SHPRH: variants seen among roughly 807,000 people sequenced by gnomAD.
SHPRH encodes SNF2 histone linker PHD RING helicase.
SHPRH carries 106 observed loss-of-function variants against 202.5 expected under a neutral mutation model. The ratio of observed to expected loss-of-function variants is 0.52; its 90% CI spans 0.45 to 0.62. The LOEUF (loss-of-function observed/expected upper bound fraction) is 0.62. Ranked by LOEUF, SHPRH falls within the 20% of genes least tolerant of loss-of-function variation. The probability of loss-of-function intolerance (pLI) is 0.00; values close to 1 mark genes in which losing one functional copy is unlikely to be tolerated. For synonymous variants in SHPRH, 729 were observed against 686.0 expected (o/e 1.06, Z -0.98); for missense variants, 1,710 against 2,020.0 (o/e 0.85, Z 2.94).
At chr6:145,921,599 T>C (rs1316643905) in intron 20 of SHPRH, among the ~76,000 whole-genome samples, 1 of 151,944 alleles carries the variant, frequency 6.6e-6, no homozygotes, top group Non-Finnish European at 1.5e-5. Flanking sequence ...TACTGATTCA[T>C]TTGCCATAAC....
intron 25 of SHPRH, among the ~76,000 whole-genome samples, chr6:145,896,797 C>G (rs1782049092): frequency 6.6e-6 from 1 of 151,952 alleles, no homozygotes; most frequent in African/African-American, 2.4e-5. Context: ...CTTGAACATT[C>G]ATTGGGTCAA....
At position 145,879,123 on chromosome 6, in the gene SHPRH, T is replaced by G. The variant is rs546814359; in HGVS notation, c.221+8897A>C. On this transcript the variant is annotated intron_variant, in intron 2 of 2. Coordinates refer to the SHPRH transcript ENST00000417762. ...GGGTCCCTTTGGTGGACAGTATTTGTGCAAATGTTTTAGTAACTACATGAC... is the reference window on the plus strand; with the variant it reads ...GGGTCCCTTTGGTGGACAGTATTTGGGCAAATGTTTTAGTAACTACATGAC... Among the ~76,000 whole-genome samples, 362 of 152,316 alleles carry G rather than the reference T, an allele frequency of 2.4e-3. 1 individual carries two copies. Among genetic ancestry groups the G allele is most frequent in the Non-Finnish European group, 3.7e-3 (249 of 68,020 alleles).
intron 2 of SHPRH, among the ~76,000 whole-genome samples, chr6:145,953,401 G>T (rs938311776): frequency 6.6e-6 from 1 of 152,008 alleles, no homozygotes. Flanking sequence ...TGGTCTGTAG[G>T]GAACGTAGAT....
intron 28 of SHPRH, among the ~76,000 whole-genome samples, chr6:145,890,509 C>CT (rs1781482572): frequency 6.6e-6 from 1 of 152,088 alleles, no homozygotes; most frequent in South Asian, 2.1e-4. Flanking sequence ...TAGGACACTC[C>CT]TGTCTTCTGG....
chr6:145,917,352 A>G (rs1784044715), intron 23 of SHPRH: 1 of 152,148 alleles, frequency 6.6e-6, no homozygotes, highest in Non-Finnish European at 1.5e-5. Context: ...ATATCTAGAA[A>G]ACAGTTGAGT....
At chr6:145,862,402 C>T (rs570166140), downstream of SHPRH, among the ~76,000 whole-genome samples, 44 of 150,722 alleles carry the variant, frequency 2.9e-4, 1 homozygote, top group South Asian at 8.8e-3. Flanking sequence ...TGCAGTGAGC[C>T]GAGACTCCGT....
At chr6:145,956,794 T>C (rs1788554603) in intron 1 of SHPRH, among the ~76,000 whole-genome samples, 1 of 152,110 alleles carries the variant, frequency 6.6e-6, no homozygotes, top group Non-Finnish European at 1.5e-5. Context: ...GTTCATGGAC[T>C]AGAAGACTCA....
At chr6:145,923,820 T>A (rs1562325868) in intron 17 of SHPRH, 35 bp from the exon 18 acceptor site, 1 of 1,561,524 alleles carries the variant, frequency 6.4e-7, no homozygotes, top group Non-Finnish European at 8.7e-7. Flanking sequence ...AATTAATACA[T>A]TTTTTTTAGT....
chr6:145,931,438 C>T (rs1474278067), intron 14 of SHPRH, among the ~76,000 whole-genome samples: 1 of 151,976 alleles, frequency 6.6e-6, no homozygotes, highest in South Asian at 2.1e-4. Context: ...CTGCAACCTC[C>T]GCCTCCGGGG....
At chr6:145,950,691 G>A (rs973071129) in intron 3 of SHPRH, among the ~76,000 whole-genome samples, 2 of 151,892 alleles carry the variant, frequency 1.3e-5, no homozygotes, top group Non-Finnish European at 2.9e-5. Flanking sequence ...CTTTTTCCAT[G>A]GCATTTTCTT....
At chr6:145,929,181 T>C (rs1785181921) in intron 14 of SHPRH, among the ~76,000 whole-genome samples, 1 of 151,880 alleles carries the variant, frequency 6.6e-6, no homozygotes, top group South Asian at 2.1e-4. Context: ...AAAAAACCCA[T>C]ATTCAATGTT....
At chr6:145,899,095 T>G (rs187791976) in intron 25 of SHPRH, among the ~76,000 whole-genome samples, 15 of 152,318 alleles carry the variant, frequency 9.8e-5, no homozygotes, top group African/African-American at 3.6e-4. Context: ...ATTATAGGCA[T>G]GAGTCACTGC....
intron 23 of SHPRH, among the ~76,000 whole-genome samples, chr6:145,914,050 A>G (rs1783729040): frequency 2.6e-5 from 4 of 152,154 alleles, no homozygotes. Context: ...AATTCATTTT[A>G]CTATGTTGTC....
At chr6:145,916,622 G>C (rs1240527142) in intron 23 of SHPRH, among the ~76,000 whole-genome samples, 2 of 151,788 alleles carry the variant, frequency 1.3e-5, no homozygotes, top group South Asian at 2.1e-4. Context: ...GATTTTCTTA[G>C]GTAGAATATT....
chr6:145,940,260 A>G (rs1022150095), intron 11 of SHPRH, among the ~76,000 whole-genome samples: 6 of 152,120 alleles, frequency 3.9e-5, no homozygotes, highest in African/African-American at 1.4e-4. Flanking sequence ...TAATTACTAA[A>G]ATTATGGCCC....
intron 4 of SHPRH, 68 bp from the exon 5 acceptor site, chr6:145,948,418 A>G: frequency 8.0e-7 from 1 of 1,252,000 alleles, no homozygotes; most frequent in East Asian, 2.4e-5. Flanking sequence ...ACATTAAAAA[A>G]AGAATAGGTT....
At chr6:145,934,869 T>C (rs1319581198) in intron 13 of SHPRH, 38 bp downstream of exon 13, 2 of 1,566,332 alleles carry the variant, frequency 1.3e-6, no homozygotes, top group South Asian at 1.2e-5. Flanking sequence ...TCTATTATGA[T>C]ATACCAACTG....
intron 3 of SHPRH, among the ~76,000 whole-genome samples, chr6:145,951,280 A>G (rs936798869): frequency 3.9e-5 from 6 of 152,122 alleles, no homozygotes; most frequent in Non-Finnish European, 8.8e-5. Flanking sequence ...GTGAAAAAGT[A>G]TATCATTTAT....
chr6:145,939,448 A>G (rs150862035), intron 11 of SHPRH, among the ~76,000 whole-genome samples: 3 of 152,322 alleles, frequency 2.0e-5, no homozygotes, highest in Admixed American at 1.3e-4. Flanking sequence ...TTGAATGGTG[A>G]CAGGTGCTCA....
Sources: gnomAD v4.1 joint callset for allele counts (sites outside exome capture counted in the v4.1 genomes callset) on GRCh38, gnomAD v4.1.1 for gene constraint, MANE v1.5 for transcripts, NCBI Gene and HGNC (gene_info 2026-07-23, HGNC 2026-07-21) for gene names.